The following TERB2 variants were observed in gnomAD, a reference collection of about 807,000 sequenced individuals.
TERB2 encodes telomere repeats-binding bouquet formation protein 2.
A neutral mutation model predicts 29.8 loss-of-function variants in TERB2; 26 were observed. That is an observed-to-expected ratio of 0.87 (90% CI 0.64 to 1.21). The LOEUF is 1.21. Among genes scored for constraint, TERB2 ranks in the 50% most tolerant of loss-of-function variants. TERB2 has a pLI of 0.00. For missense variants in TERB2, 240 were observed against 268.6 expected (o/e 0.89, Z 0.74); for synonymous variants, 80 against 90.8 (o/e 0.88, Z 0.68).
chr15:44,964,476 G>A (rs1278375214), intron 4 of TERB2, among the ~76,000 whole-genome samples: 1 of 151,986 alleles, frequency 6.6e-6, no homozygotes, highest in Non-Finnish European at 1.5e-5. Context: ...ATTGACTCTA[G>A]CAGAACTTTA....
At position 44,956,964 on chromosome 15, in the gene TERB2, C is replaced by T; in HGVS notation, c.133C>T (p.Pro45Ser). 1 of 1,613,536 alleles carries T rather than the reference C, an allele frequency of 6.2e-7. No individual in the cohort carries two copies. Among genetic ancestry groups the T allele is most frequent in the Non-Finnish European group, 8.5e-7 (1 of 1,179,902 alleles). The change falls in exon 2 of 7, where the codon CCA becomes TCA. Residue 45 changes from proline (P) to serine (S), a missense_variant. Coordinates refer to ENST00000340827, the MANE Select transcript of TERB2 (RefSeq NM_152448.3). ...CTTGTTCAGCTGTGATGCCTCGCAC[C>T]CAGACACGCTGAGGTACTGAGGGCG... ...DFLFSCDASH[P>S]DTLRIYQSLD...
chr15:44,956,842 A>G, intron 1 of TERB2, 54 bp from the exon 2 acceptor site: 1 of 1,610,814 alleles, frequency 6.2e-7, no homozygotes. Flanking sequence ...CCTCTCTCTG[A>G]TGCTTTGGGT....
Position 44,958,455 on chromosome 15 carries a change from A to G in TERB2, c.229A>G (p.Ile77Val), listed in dbSNP as rs1452361160. 1.9e-6 allele frequency: 3 copies of G among 1,614,086 alleles called. No homozygotes were observed. Among genetic ancestry groups the G allele is most frequent in the Non-Finnish European group, 2.5e-6 (3 of 1,180,044 alleles). ...TCTCTCTGCGGTAGCTAATGCCAAAATAAAAAACTCGGTGGCTTTGGGTCA... is the reference window on the plus strand; with the variant it reads ...TCTCTCTGCGGTAGCTAATGCCAAAGTAAAAAACTCGGTGGCTTTGGGTCA... ...YYLSAVANAK[I>V]KNSVALGHFI... The change falls in exon 3 of 7, where the codon ATA becomes GTA. Residue 77 changes from isoleucine to valine, a missense_variant. Physicochemically the swap from Ile to Val is conservative, Grantham distance 29 (BLOSUM62 3). Coordinates refer to ENST00000340827, the MANE Select transcript of TERB2 (RefSeq NM_152448.3).
At chr15:44,961,890 G>A (rs944533347) in intron 4 of TERB2, among the ~76,000 whole-genome samples, 2 of 152,004 alleles carry the variant, frequency 1.3e-5, no homozygotes, top group African/African-American at 4.8e-5. Flanking sequence ...AGTAGAGATG[G>A]GGTTTCACCA....
Position 44,958,499 on chromosome 15 carries a change from G to A in TERB2, c.273G>A (p.Ala91=), listed in dbSNP as rs773377188. 1.9e-6 allele frequency: 3 copies of A among 1,611,388 alleles called. No homozygotes were observed. Among genetic ancestry groups the A allele is most frequent in the East Asian group, 2.2e-5 (1 of 44,864 alleles). ...TGGGTCATTTCATTCTTCCTCCTGC[G>A]TGCCTGCAAAAAGGTTAGCAAAGAT... ...VALGHFILPP[A]CLQKEIRRKI... is the part of the protein sequence containing the mutation. Residue 91 remains alanine, a synonymous_variant, in exon 3 of 7, where the codon GCG becomes GCA. Transcript: ENST00000340827.
At chr15:44,975,597 C>A (rs900281978) in intron 6 of TERB2, among the ~76,000 whole-genome samples, 2 of 152,078 alleles carry the variant, frequency 1.3e-5, no homozygotes, top group Non-Finnish European at 2.9e-5. Flanking sequence ...GCGCTACTGG[C>A]ATTTTAGGCC....
At chr15:44,962,309 G>A (rs898646478) in intron 4 of TERB2, among the ~76,000 whole-genome samples, 16 of 151,094 alleles carry the variant, frequency 1.1e-4, no homozygotes, top group Non-Finnish European at 1.6e-4. Context: ...AGCCTCCAGA[G>A]TAGCTGGGAC....
chr15:44,968,584 CTTTTTTTTTTTTTTT>C (rs34188520), intron 5 of TERB2, among the ~76,000 whole-genome samples: 10 of 98,502 alleles, frequency 1.0e-4, no homozygotes, highest in South Asian at 3.5e-4. Context: ...TTTGTTTAAC[CTTTTTTTTTTTTTTT>C]TTTTTTTTTT....
At chr15:44,961,782 CTTTGCCT>C (rs1372212310) in intron 4 of TERB2, among the ~76,000 whole-genome samples, 198 bp downstream of exon 4, 3 of 152,200 alleles carry the variant, frequency 2.0e-5, no homozygotes, top group Non-Finnish European at 4.4e-5. Context: ...TCACTGCAAC[CTTTGCCT>C]TCTGGGTTCA....
intron 5 of TERB2, 75 bp downstream of exon 5, chr15:44,966,318 A>C: frequency 1.4e-3 from 1,158 of 831,154 alleles, no homozygotes; most frequent in Non-Finnish European, 1.8e-3. Context: ...TGCTTATCTC[A>C]TTTAATTTTC....
intron 5 of TERB2, among the ~76,000 whole-genome samples, chr15:44,972,238 G>A (rs1228168705): frequency 4.6e-5 from 7 of 151,664 alleles, no homozygotes; most frequent in Non-Finnish European, 7.4e-5. Context: ...TGATCCACCC[G>A]CCTCGGCCTC....
In TERB2 at chr15:44,958,480, A is replaced by T; in HGVS notation, c.254A>T (p.His85Leu). ...AKIKNSVALG[H>L]FILPPACLQK... ...ATAAAAAACTCGGTGGCTTTGGGTCATTTCATTCTTCCTCCTGCGTGCCTG... is the reference window on the plus strand; with the variant it reads ...ATAAAAAACTCGGTGGCTTTGGGTCTTTTCATTCTTCCTCCTGCGTGCCTG... Residue 85 changes from histidine to leucine, a missense_variant, in exon 3 of 7, where the codon CAT (histidine) becomes CTT (leucine). Transcript: ENST00000340827. The T allele has an allele frequency of 6.2e-7, 1 of 1,613,802 alleles. No individual in the cohort carries two copies. Among genetic ancestry groups the T allele is most frequent in the Non-Finnish European group, 8.5e-7 (1 of 1,179,882 alleles).
chr15:44,962,643 AG>A, intron 4 of TERB2, among the ~76,000 whole-genome samples: 1 of 152,172 alleles, frequency 6.6e-6, no homozygotes. Context: ...AACCAAAACA[AG>A]AAGAAGAAAA....
chr15:44,973,153 T>A (rs986175201), intron 5 of TERB2, among the ~76,000 whole-genome samples: 6 of 152,162 alleles, frequency 3.9e-5, no homozygotes, highest in African/African-American at 1.4e-4. Context: ...AGTGCCAGAT[T>A]TACAGGTGTG....
intron 5 of TERB2, among the ~76,000 whole-genome samples, chr15:44,972,726 G>C (rs1326293996): frequency 6.6e-6 from 1 of 151,830 alleles, no homozygotes; most frequent in East Asian, 1.9e-4. Context: ...ATGTTGGCCA[G>C]GGTGGTCTCA....
Position 44,963,850 on chromosome 15 carries a change from G to A in TERB2, c.348+2266G>A, listed in dbSNP as rs1048966581. Among the ~76,000 whole-genome samples the A allele has an allele frequency of 1.7e-3, 219 of 128,366 alleles. 1 individual carries two copies. Among genetic ancestry groups the A allele is most frequent in the South Asian group, 1.9e-3 (8 of 4,128 alleles). 84.2% of individuals were successfully genotyped at this position (128,366 alleles called of 152,430 possible). On this transcript the variant is annotated intron_variant, in intron 4 of 6. Transcript: ENST00000340827. Reference sequence around the variant, plus strand: ...TTTTGAGATGGAGCCTCGTTCTGTCGCCAGGGTGGAGTGAAGTGGCGGGAT... The same window carrying A: ...TTTTGAGATGGAGCCTCGTTCTGTCACCAGGGTGGAGTGAAGTGGCGGGAT...
chr15:44,974,715 TA>T (rs1168799827), intron 6 of TERB2, among the ~76,000 whole-genome samples: 3 of 152,208 alleles, frequency 2.0e-5, no homozygotes, highest in Admixed American at 6.5e-5. Flanking sequence ...GAGATTTTTT[TA>T]AAAAATTGCT....
chr15:44,965,913 T>C (rs1292876408), intron 4 of TERB2, among the ~76,000 whole-genome samples: 1 of 151,938 alleles, frequency 6.6e-6, no homozygotes, highest in African/African-American at 2.4e-5. Context: ...TAACCACAGC[T>C]GGTATATTTA....
At position 44,962,574 on chromosome 15, in the gene TERB2, C is replaced by T. The variant is rs117826650; in HGVS notation, c.348+990C>T. ...TTGTTCAATGTTTTGAATAACACGC[C>T]TCAATAAATGTGTACAAGAGTCTGT... is the stretch of plus-strand genomic sequence containing the variant. On this transcript the variant is annotated intron_variant, in intron 4 of 6. Transcript: ENST00000340827. Among the ~76,000 whole-genome samples the T allele has an allele frequency of 1.1e-4, 17 of 152,198 alleles. No individual in the cohort carries two copies. The East Asian group carries it at 2.7e-3, about 24-fold the overall frequency.
Sources: gnomAD v4.1 joint callset for allele counts (sites outside exome capture counted in the v4.1 genomes callset) on GRCh38, gnomAD v4.1.1 for gene constraint, MANE v1.5 for transcripts, NCBI Gene and HGNC (gene_info 2026-07-23, HGNC 2026-07-21) for gene names.